ADGB: variants seen among roughly 807,000 people sequenced by gnomAD.
The protein encoded by ADGB is androglobin, also known as calpain-7-like protein.
A neutral mutation model predicts 210.5 loss-of-function variants in ADGB; 172 were observed. The observed-to-expected ratio is 0.82, with a 90% CI of 0.72 to 0.93. The LOEUF is 0.93. Among genes scored for constraint, ADGB ranks in the 40% least tolerant of loss-of-function variants. The pLI, the probability that ADGB is intolerant of heterozygous loss-of-function variation, is 0.00. For synonymous variants in ADGB, 658 were observed against 662.7 expected, an observed-to-expected ratio of 0.99 and a Z score of 0.11; for missense variants, 2,025 against 1,964.8, an observed-to-expected ratio of 1.03 and a Z score of -0.58.
chr6:146,691,433 T>TATAAAA (rs1776311051), intron 11 of ADGB, 143 bp downstream of exon 11: 2 of 28,504 alleles, frequency 7.0e-5, no homozygotes, highest in Non-Finnish European at 1.1e-4. Flanking sequence ...TATATATATA[T>TATAAAA]ATATATATAA....
chr6:146,628,233 A>T (rs964283128), intron 1 of ADGB, among the ~76,000 whole-genome samples: 1 of 151,874 alleles, frequency 6.6e-6, no homozygotes, highest in East Asian at 1.9e-4. Context: ...TTATATTTTT[A>T]AAAATTATTT....
intron 35 of ADGB, among the ~76,000 whole-genome samples, chr6:146,811,609 G>A (rs969456672): frequency 6.6e-6 from 1 of 151,934 alleles, no homozygotes; most frequent in South Asian, 2.1e-4. Context: ...GATATTTTTT[G>A]CTATTAATTG....
In ADGB at chr6:146,598,978, G is replaced by T; in HGVS notation, c.-63G>T. 8 of 1,450,574 alleles carry T rather than the reference G, an allele frequency of 5.5e-6. No homozygotes were observed. Among genetic ancestry groups the T allele is most frequent in the Non-Finnish European group, 7.6e-6 (8 of 1,056,870 alleles). The allele number at this position is 1,450,574 out of a possible 1,614,324, so 89.9% of individuals were successfully genotyped here. A position where few individuals can be genotyped will look rare whatever the true frequency, so the allele number is the denominator to read the frequency against. On this transcript the variant is annotated 5_prime_UTR_variant, in exon 1 of 36. Coordinates refer to ENST00000397944, the MANE Select transcript of ADGB (RefSeq NM_024694.4). Reference sequence around the variant, plus strand: ...CGCCGTCTCCTGGCAACGCAGACGCGGAGCCGAGCGCGCCCGCAGGCTCTT... The same window carrying T: ...CGCCGTCTCCTGGCAACGCAGACGCTGAGCCGAGCGCGCCCGCAGGCTCTT...
chr6:146,659,056 A>G (rs987359428), intron 5 of ADGB, among the ~76,000 whole-genome samples: 1 of 152,210 alleles, frequency 6.6e-6, no homozygotes, highest in Non-Finnish European at 1.5e-5. Flanking sequence ...GATAGGGCTG[A>G]GTCAATATCT....
At chr6:146,657,579 A>T (rs1775803228) in intron 5 of ADGB, among the ~76,000 whole-genome samples, 2 of 152,192 alleles carry the variant, frequency 1.3e-5, no homozygotes, top group Admixed American at 6.5e-5. Context: ...CTCATTGTAG[A>T]TGCTGGTCCT....
chr6:146,622,458 A>C (rs1780908593), intron 1 of ADGB, among the ~76,000 whole-genome samples: 1 of 152,146 alleles, frequency 6.6e-6, no homozygotes, highest in Non-Finnish European at 1.5e-5. Flanking sequence ...ATATATCATC[A>C]CATAGCCAAC....
At chr6:146,700,903 C>G (rs530036410) in intron 12 of ADGB, 38 bp from the exon 13 acceptor site, 8 of 1,529,374 alleles carry the variant, frequency 5.2e-6, no homozygotes, top group Middle Eastern at 1.7e-4. Flanking sequence ...AACAGAAGAT[C>G]AAAATAACAG....
At chr6:146,604,661 C>T (rs1172926375) in intron 1 of ADGB, among the ~76,000 whole-genome samples, 1 of 152,080 alleles carries the variant, frequency 6.6e-6, no homozygotes, top group Non-Finnish European at 1.5e-5. Flanking sequence ...GAGAATTGCC[C>T]ATGCTGAAGT....
In ADGB at chr6:146,788,479, G is replaced by A. The variant is rs1182786633; in HGVS notation, c.4406G>A (p.Ser1469Asn). ...SKEMTQTGSGSAVWKKWQLTK... is the reference protein window; with the variant it reads ...SKEMTQTGSGNAVWKKWQLTK... ...GAGATGACACAAACAGGATCAGGGA[G>A]TGCGGTGTGGAAGAAGTGGCAATTG... is the stretch of plus-strand genomic sequence containing the variant. The change falls in exon 33 of 36, where the codon AGT (serine) becomes AAT (asparagine). Residue 1469 changes from serine to asparagine, a missense_variant. Transcript: ENST00000397944. 2 of 1,551,666 alleles carry A rather than the reference G, an allele frequency of 1.3e-6. No homozygotes were observed. The highest frequency in any genetic ancestry group is 4.9e-5 in the East Asian group (2 of 40,918).
intron 31 of ADGB, 63 bp from the exon 32 acceptor site, chr6:146,785,547 A>C: frequency 7.7e-7 from 1 of 1,290,658 alleles, no homozygotes; most frequent in Non-Finnish European, 1.1e-6. Flanking sequence ...ATTAACATGT[A>C]TTACCTGTAC....
At chr6:146,619,478 A>G (rs1167560823) in intron 1 of ADGB, among the ~76,000 whole-genome samples, 1 of 152,036 alleles carries the variant, frequency 6.6e-6, no homozygotes, top group African/African-American at 2.4e-5. Flanking sequence ...ATTTCTTTAT[A>G]GCTAAATAAG....
intron 35 of ADGB, among the ~76,000 whole-genome samples, chr6:146,808,547 G>A (rs1402983860): frequency 1.3e-5 from 2 of 152,160 alleles, no homozygotes; most frequent in South Asian, 2.1e-4. Flanking sequence ...TTTAACTGAG[G>A]CACATAGCAG....
In ADGB at chr6:146,691,429, T is replaced by TATATAA. The variant is rs1264747669; in HGVS notation, c.1486+144_1486+145insAATATA. Reference sequence around the variant, plus strand: ...TATGTTTAATATATATATATATATATATATATATATATAAAAATATATATA... The same window carrying TATATAA: ...TATGTTTAATATATATATATATATATATATAAATATATATATATAAAAATATATATA... On this transcript the variant is annotated intron_variant, in intron 11 of 35. Transcript: ENST00000397944. 11 of 29,400 alleles carry TATATAA rather than the reference T, an allele frequency of 3.7e-4. 1 individual carries two copies. Among genetic ancestry groups the TATATAA allele is most frequent in the African/African-American group, 2.5e-3 (11 of 4,370 alleles). The allele number at this position is 29,400 out of a possible 1,614,324, so 1.8% of individuals were successfully genotyped here.
chr6:146,637,044 G>A (rs796408086), intron 2 of ADGB, among the ~76,000 whole-genome samples: 34 of 152,016 alleles, frequency 2.2e-4, no homozygotes, highest in African/African-American at 7.7e-4. Context: ...ATATTATGCA[G>A]TACTGTAAGG....
chr6:146,678,920 C>T (rs139522850), intron 9 of ADGB, among the ~76,000 whole-genome samples: 24 of 152,276 alleles, frequency 1.6e-4, no homozygotes, highest in African/African-American at 5.8e-4. Context: ...GTGTTAATCA[C>T]TGGCAGGAAG....
intron 1 of ADGB, among the ~76,000 whole-genome samples, chr6:146,624,460 T>A (rs1230117780): frequency 6.6e-6 from 1 of 151,898 alleles, no homozygotes; most frequent in Non-Finnish European, 1.5e-5. Context: ...GTGTTTTCTC[T>A]CCTATATTCT....
intron 3 of ADGB, among the ~76,000 whole-genome samples, chr6:146,651,718 C>T (rs1433065076): frequency 4.6e-5 from 7 of 152,008 alleles, no homozygotes. Flanking sequence ...GGTCTCTATG[C>T]CTGGTTTATT....
At chr6:146,755,022 T>A (rs542728932) in intron 27 of ADGB, among the ~76,000 whole-genome samples, 1 of 152,198 alleles carries the variant, frequency 6.6e-6, no homozygotes, top group Admixed American at 6.6e-5. Flanking sequence ...AACTCTAATA[T>A]GTTTAGTTTT....
chr6:146,683,957 C>A (rs139608399), intron 9 of ADGB, among the ~76,000 whole-genome samples: 1 of 151,968 alleles, frequency 6.6e-6, no homozygotes, highest in Non-Finnish European at 1.5e-5. Flanking sequence ...TACTTTTACA[C>A]GTTATGATTT....
Sources: gnomAD v4.1 joint callset for allele counts (sites outside exome capture counted in the v4.1 genomes callset) on GRCh38, gnomAD v4.1.1 for gene constraint, MANE v1.5 for transcripts, NCBI Gene and HGNC (gene_info 2026-07-23, HGNC 2026-07-21) for gene names.